The following CSNK1G3 variants were observed in gnomAD, a reference collection of about 807,000 sequenced individuals.
CSNK1G3 encodes the protein casein kinase 1 gamma 3.
Under a neutral mutation model 64.3 loss-of-function variants are expected in CSNK1G3, and 23 were observed. The observed-to-expected ratio is 0.36, with a 90% CI of 0.26 to 0.51. The LOEUF (loss-of-function observed/expected upper bound fraction) is 0.51, where lower values mean the gene tolerates loss of function less well. CSNK1G3 is among the 20% of genes least tolerant of loss of function. The probability of loss-of-function intolerance (pLI) is 0.96; values close to 1 mark genes in which losing one functional copy is unlikely to be tolerated. For synonymous variants in CSNK1G3, 158 were observed against 162.2 expected (o/e 0.97, Z 0.20); for missense variants, 357 against 510.5 (o/e 0.70, Z 2.90).
At chr5:123,549,317 T>A (rs1338559552) in intron 2 of CSNK1G3, among the ~76,000 whole-genome samples, 1 of 152,222 alleles carries the variant, frequency 6.6e-6, no homozygotes, top group East Asian at 1.9e-4. Context: ...CTGTATATTA[T>A]GATGTTTTGA....
At chr5:123,528,855 C>G (rs1779472323) in intron 1 of CSNK1G3, among the ~76,000 whole-genome samples, 1 of 152,156 alleles carries the variant, frequency 6.6e-6, no homozygotes, top group Admixed American at 6.6e-5. Flanking sequence ...TTATTTGTAA[C>G]CCTAAACTCA....
At chr5:123,524,459 TAGAA>T (rs759612641) in intron 1 of CSNK1G3, among the ~76,000 whole-genome samples, 20 of 152,332 alleles carry the variant, frequency 1.3e-4, no homozygotes, top group Admixed American at 3.3e-4. Flanking sequence ...TTTTTAATAA[TAGAA>T]AGAAGCAGGG....
intron 1 of CSNK1G3, among the ~76,000 whole-genome samples, chr5:123,542,025 T>C (rs984707941): frequency 6.6e-6 from 1 of 152,184 alleles, no homozygotes; most frequent in African/African-American, 2.4e-5. Context: ...TTTTAACTTA[T>C]CATTGGCTAC....
chr5:123,597,594 T>TA (rs1227636687), intron 10 of CSNK1G3, among the ~76,000 whole-genome samples: 3 of 152,130 alleles, frequency 2.0e-5, no homozygotes, highest in Non-Finnish European at 2.9e-5. Flanking sequence ...TTTTGACCTA[T>TA]AGAAAGATCC....
chr5:123,603,516 G>T (rs1428894370), intron 10 of CSNK1G3, among the ~76,000 whole-genome samples: 1 of 151,946 alleles, frequency 6.6e-6, no homozygotes, highest in African/African-American at 2.4e-5. Flanking sequence ...ATGGAGGTAG[G>T]GATGGATGTC....
At chr5:123,554,631 CGTT>C (rs1254077086) in intron 3 of CSNK1G3, among the ~76,000 whole-genome samples, 1 of 152,156 alleles carries the variant, frequency 6.6e-6, no homozygotes, top group East Asian at 1.9e-4. Context: ...CCAGCCTGGA[CGTT>C]GTTTGAACAG....
At chr5:123,599,242 A>G (rs1794003530) in intron 10 of CSNK1G3, among the ~76,000 whole-genome samples, 1 of 152,218 alleles carries the variant, frequency 6.6e-6, no homozygotes, top group African/African-American at 2.4e-5. Flanking sequence ...ATGTACATGT[A>G]CTATGTATAC....
chr5:123,537,410 CAG>C (rs1781017867), intron 1 of CSNK1G3, among the ~76,000 whole-genome samples: 1 of 141,132 alleles, frequency 7.1e-6, no homozygotes, highest in South Asian at 2.1e-4. Flanking sequence ...GAATGATAGA[CAG>C]TGGAGACTTG....
chr5:123,580,172 T>C (rs1384982376), intron 6 of CSNK1G3, among the ~76,000 whole-genome samples: 1 of 151,932 alleles, frequency 6.6e-6, no homozygotes, highest in Non-Finnish European at 1.5e-5. Context: ...GCCTGGATCT[T>C]GGTGATTACT....
chr5:123,541,481 T>G (rs373714501), intron 1 of CSNK1G3, among the ~76,000 whole-genome samples: 18 of 152,310 alleles, frequency 1.2e-4, no homozygotes, highest in East Asian at 1.2e-3. Flanking sequence ...CAGGCTGGAG[T>G]GCAGTGGCAC....
exon 2 of CSNK1G3, chr5:123,545,441 C>T (rs1365728007): frequency 4.8e-6 from 2 of 413,802 alleles, no homozygotes. Flanking sequence ...CAGCTCACAT[C>T]ATTGAAAAGA....
chr5:123,578,336 T>G (rs1267334246), intron 6 of CSNK1G3, among the ~76,000 whole-genome samples: 1 of 151,908 alleles, frequency 6.6e-6, no homozygotes, highest in African/African-American at 2.4e-5. Flanking sequence ...GAGTTGTCAG[T>G]CTTTTTCATT....
chr5:123,577,628 CAG>C (rs1335849915), intron 6 of CSNK1G3, among the ~76,000 whole-genome samples: 1 of 151,680 alleles, frequency 6.6e-6, no homozygotes, highest in Non-Finnish European at 1.5e-5. Flanking sequence ...TGAGGATACT[CAG>C]AAAGTAGTTT....
At chr5:123,547,979 A>G (rs948451402) in intron 2 of CSNK1G3, among the ~76,000 whole-genome samples, 1 of 152,188 alleles carries the variant, frequency 6.6e-6, no homozygotes, top group Non-Finnish European at 1.5e-5. Flanking sequence ...CCTCATTAAT[A>G]GATACATCTT....
intron 9 of CSNK1G3, 25 bp from the exon 10 acceptor site, chr5:123,591,294 G>T: frequency 7.0e-7 from 1 of 1,425,412 alleles, no homozygotes; most frequent in Non-Finnish European, 9.6e-7. Flanking sequence ...GGAATGTATT[G>T]ATACCAATTG....
chr5:123,520,115 T>C (rs1402658036), intron 1 of CSNK1G3, among the ~76,000 whole-genome samples: 2 of 151,700 alleles, frequency 1.3e-5, no homozygotes, highest in Non-Finnish European at 2.9e-5. Flanking sequence ...CACACACACA[T>C]GGAATAATCT....
chr5:123,606,715 C>A (rs1030434609), intron 12 of CSNK1G3, among the ~76,000 whole-genome samples: 12 of 152,122 alleles, frequency 7.9e-5, no homozygotes, highest in Non-Finnish European at 1.2e-4. Context: ...CTTCCATACA[C>A]ACACTCTTCA....
chr5:123,603,751 G>T (rs1794877549), intron 10 of CSNK1G3, among the ~76,000 whole-genome samples: 1 of 152,094 alleles, frequency 6.6e-6, no homozygotes, highest in Non-Finnish European at 1.5e-5. Context: ...AGTGACAATA[G>T]GTAATGCCAA....
intron 8 of CSNK1G3, among the ~76,000 whole-genome samples, chr5:123,589,036 CA>C (rs1034680345): frequency 2.3e-4 from 35 of 151,138 alleles, no homozygotes; most frequent in Middle Eastern, 6.9e-3. Flanking sequence ...CAAATTAAGC[CA>C]AAAAAAATTT....
Sources: gnomAD v4.1 joint callset for allele counts (sites outside exome capture counted in the v4.1 genomes callset) on GRCh38, gnomAD v4.1.1 for gene constraint, MANE v1.5 for transcripts, NCBI Gene and HGNC (gene_info 2026-07-23, HGNC 2026-07-21) for gene names.